Variants in GPC6 observed in about 807,000 individuals in gnomAD.
GPC6 encodes the protein glypican 6.
Under a neutral mutation model 55.2 loss-of-function variants are expected in GPC6, and 14 were observed. The observed-to-expected ratio is 0.25, with a 90% CI of 0.17 to 0.40. GPC6 has a LOEUF of 0.40. Ranked by LOEUF, GPC6 falls within the 10% of genes least tolerant of loss-of-function variation. The pLI is 1.00. For missense variants in GPC6, 641 were observed against 708.5 expected (o/e 0.90, Z 1.08); for synonymous variants, 278 against 259.6 (o/e 1.07, Z -0.68).
intron 1 of GPC6, among the ~76,000 whole-genome samples, chr13:93,240,836 G>T (rs1876402712): frequency 6.6e-6 from 1 of 152,040 alleles, no homozygotes; most frequent in South Asian, 2.1e-4. Context: ...CCAGTCTAGT[G>T]GTGACAGATT....
intron 3 of GPC6, among the ~76,000 whole-genome samples, chr13:93,836,652 A>G (rs1887742969): frequency 6.6e-6 from 1 of 152,228 alleles, no homozygotes; most frequent in African/African-American, 2.4e-5. Context: ...CTTTTAAATC[A>G]GCATAATCTG....
intron 2 of GPC6, among the ~76,000 whole-genome samples, chr13:93,671,779 T>C (rs1881369127): frequency 6.6e-6 from 1 of 152,074 alleles, no homozygotes; most frequent in Non-Finnish European, 1.5e-5. Context: ...GGACTGTGTT[T>C]CATCCTCTTT....
At chr13:93,780,567 T>C (rs1885608083) in intron 2 of GPC6, among the ~76,000 whole-genome samples, 1 of 150,012 alleles carries the variant, frequency 6.7e-6, no homozygotes, top group Non-Finnish European at 1.5e-5. Context: ...TTAACCTTAA[T>C]GACTTTATGG....
intron 1 of GPC6, among the ~76,000 whole-genome samples, chr13:93,422,318 C>T (rs912968915): frequency 4.6e-5 from 7 of 152,176 alleles, no homozygotes; most frequent in African/African-American, 1.7e-4. Flanking sequence ...GCTGTGTTCA[C>T]AAGTGAGATT....
At chr13:94,001,924 T>C (rs1304880953) in intron 3 of GPC6, among the ~76,000 whole-genome samples, 2 of 152,014 alleles carry the variant, frequency 1.3e-5, no homozygotes, top group African/African-American at 2.4e-5. Flanking sequence ...GAGTGAACTG[T>C]TGGAAAAGTG....
intron 1 of GPC6, among the ~76,000 whole-genome samples, chr13:93,297,382 C>T (rs1217096829): frequency 8.5e-5 from 13 of 152,156 alleles, no homozygotes; most frequent in Non-Finnish European, 5.9e-5. Flanking sequence ...AGATGCAGTA[C>T]ACCACCATGG....
Position 94,226,533 on chromosome 13 carries a change from G to C in GPC6, c.878-59816G>C, listed in dbSNP as rs541078799. ...TGTACATGTATTAAAACATTACACTGTACCCCATAAATACAATTTTTTAAA... is the reference window on the plus strand; with the variant it reads ...TGTACATGTATTAAAACATTACACTCTACCCCATAAATACAATTTTTTAAA... On this transcript the variant is annotated intron_variant, in intron 4 of 8. Transcript: ENST00000377047. 2.8e-4 allele frequency among the ~76,000 whole-genome samples: 42 copies of C among 152,158 alleles called. No individual in the cohort carries two copies. In the South Asian group the frequency reaches 8.7e-3, roughly 32 times the overall value.
intron 8 of GPC6, among the ~76,000 whole-genome samples, chr13:94,401,888 C>T (rs984326025): frequency 1.5e-4 from 23 of 152,068 alleles, no homozygotes; most frequent in Non-Finnish European, 2.6e-4. Flanking sequence ...GTTATGATGG[C>T]GCCACTACAC....
At chr13:94,368,819 T>C (rs1438726233) in intron 6 of GPC6, among the ~76,000 whole-genome samples, 3 of 152,208 alleles carry the variant, frequency 2.0e-5, no homozygotes, top group African/African-American at 7.2e-5. Context: ...GCTCACACAG[T>C]GAATCAAATG....
chr13:93,385,208 G>A (rs971030147), intron 1 of GPC6, among the ~76,000 whole-genome samples: 1 of 152,174 alleles, frequency 6.6e-6, no homozygotes, highest in African/African-American at 2.4e-5. Context: ...AGGTAGCTCC[G>A]AGGTGGGCAT....
At chr13:93,887,968 C>T (rs1445957550) in intron 3 of GPC6, among the ~76,000 whole-genome samples, 2 of 152,094 alleles carry the variant, frequency 1.3e-5, no homozygotes, top group African/African-American at 4.8e-5. Flanking sequence ...GGGACCAGTC[C>T]ATCTGGGGTC....
At chr13:93,484,229 T>G (rs776132760) in intron 1 of GPC6, among the ~76,000 whole-genome samples, 31 of 152,292 alleles carry the variant, frequency 2.0e-4, no homozygotes, top group Admixed American at 3.3e-4. Flanking sequence ...CATCCTTGTT[T>G]TAATAACAGA....
chr13:93,829,338 T>C (rs1184702610), intron 2 of GPC6, among the ~76,000 whole-genome samples: 1 of 152,204 alleles, frequency 6.6e-6, no homozygotes, highest in Non-Finnish European at 1.5e-5. Context: ...TGATACCCAA[T>C]GGCTTTAATT....
intron 6 of GPC6, among the ~76,000 whole-genome samples, chr13:94,369,866 A>AAGTT (rs1373365985): frequency 6.6e-6 from 1 of 152,162 alleles, no homozygotes; most frequent in Non-Finnish European, 1.5e-5. Context: ...TTACTCTCTA[A>AAGTT]AGTTACATTT....
At chr13:93,671,269 CTT>C (rs756116513) in intron 2 of GPC6, among the ~76,000 whole-genome samples, 33 of 144,432 alleles carry the variant, frequency 2.3e-4, no homozygotes, top group African/African-American at 7.1e-4. Context: ...GGCACTGAAA[CTT>C]TTTTTTTTTT....
intron 1 of GPC6, among the ~76,000 whole-genome samples, chr13:93,390,769 GT>G (rs200821891): frequency 6.7e-6 from 1 of 148,676 alleles, no homozygotes; most frequent in East Asian, 2.0e-4. Context: ...TGCATGTATA[GT>G]TTTTTTTTCT....
intron 1 of GPC6, among the ~76,000 whole-genome samples, chr13:93,390,849 T>G (rs567179203): frequency 2.0e-4 from 30 of 152,152 alleles, no homozygotes; most frequent in Non-Finnish European, 3.5e-4. Flanking sequence ...CTTTGTTTCC[T>G]TATAAGGGCA....
intron 1 of GPC6, among the ~76,000 whole-genome samples, chr13:93,400,173 C>G (rs1370251924): frequency 6.6e-6 from 1 of 152,094 alleles, no homozygotes; most frequent in Non-Finnish European, 1.5e-5. Context: ...GTTTTCTAAG[C>G]TCACCTCTTC....
At chr13:93,348,602 C>T (rs529869130) in intron 1 of GPC6, among the ~76,000 whole-genome samples, 2 of 152,248 alleles carry the variant, frequency 1.3e-5, no homozygotes, top group South Asian at 4.1e-4. Flanking sequence ...TACTCTGTGG[C>T]ACCCAGAAAC....
Sources: allele counts gnomAD v4.1 joint callset (sites outside exome capture counted in the v4.1 genomes callset), GRCh38; gene constraint gnomAD v4.1.1; transcripts MANE v1.5; gene names NCBI Gene and HGNC (gene_info 2026-07-23, HGNC 2026-07-21).